FAM227B: variants seen among roughly 807,000 people sequenced by gnomAD.
The protein encoded by FAM227B is protein FAM227B.
Under a neutral mutation model 73.8 loss-of-function variants are expected in FAM227B, and 88 were observed. The ratio of observed to expected loss-of-function variants is 1.19; its 90% CI spans 1.00 to 1.42. FAM227B has a LOEUF of 1.42. Among genes scored for constraint, FAM227B ranks in the 40% most tolerant of loss-of-function variants. The pLI, the probability that FAM227B is intolerant of heterozygous loss-of-function variation, is 0.00. For missense variants in FAM227B, 632 were observed against 590.9 expected (o/e 1.07, Z -0.72); for synonymous variants, 210 against 190.5 (o/e 1.10, Z -0.84).
At chr15:49,573,119 C>A (rs545856960) in intron 8 of FAM227B, among the ~76,000 whole-genome samples, 1 of 152,088 alleles carries the variant, frequency 6.6e-6, no homozygotes, top group African/African-American at 2.4e-5. Flanking sequence ...ATATCTCACA[C>A]ATTTTAATCT....
At chr15:49,575,853 T>C (rs2075406955) in intron 7 of FAM227B, among the ~76,000 whole-genome samples, 1 of 152,194 alleles carries the variant, frequency 6.6e-6, no homozygotes, top group East Asian at 1.9e-4. Flanking sequence ...ATGGCTAAAT[T>C]TGTCTACTGT....
At chr15:49,351,274 G>A (rs1432482549) in intron 13 of FAM227B, among the ~76,000 whole-genome samples, 1 of 152,046 alleles carries the variant, frequency 6.6e-6, no homozygotes, top group African/African-American at 2.4e-5. Context: ...ATGACTACTA[G>A]CTATGGAATT....
intron 11 of FAM227B, among the ~76,000 whole-genome samples, chr15:49,469,313 C>A (rs1441073800): frequency 6.6e-6 from 1 of 152,042 alleles, no homozygotes; most frequent in Non-Finnish European, 1.5e-5. Context: ...ATACAGAAAA[C>A]TGCTGTTTAT....
chr15:49,472,786 G>C (rs2151972351), intron 11 of FAM227B, among the ~76,000 whole-genome samples: 1 of 152,032 alleles, frequency 6.6e-6, no homozygotes, highest in African/African-American at 2.4e-5. Flanking sequence ...ACTTCAAATG[G>C]GTAGAAAAAA....
intron 11 of FAM227B, among the ~76,000 whole-genome samples, chr15:49,490,130 G>A (rs1220910870): frequency 6.6e-6 from 1 of 151,322 alleles, no homozygotes; most frequent in Non-Finnish European, 1.5e-5. Context: ...CTTCATCTTT[G>A]TCCCTTCTTT....
intron 9 of FAM227B, among the ~76,000 whole-genome samples, chr15:49,550,905 C>T (rs954060246): frequency 7.2e-5 from 11 of 152,120 alleles, no homozygotes; most frequent in African/African-American, 2.2e-4. Context: ...GCTGCAATCT[C>T]GGCACTTTGG....
At chr15:49,568,851 C>T (rs531164904) in intron 8 of FAM227B, among the ~76,000 whole-genome samples, 1 of 151,870 alleles carries the variant, frequency 6.6e-6, no homozygotes, top group African/African-American at 2.4e-5. Context: ...CTTTTTATTG[C>T]AGTGTCTTTT....
intron 11 of FAM227B, among the ~76,000 whole-genome samples, chr15:49,384,538 G>A (rs1278133637): frequency 6.6e-6 from 1 of 151,930 alleles, no homozygotes; most frequent in African/African-American, 2.4e-5. Context: ...GGAACACAGC[G>A]ATCCTCTTAG....
intron 11 of FAM227B, among the ~76,000 whole-genome samples, chr15:49,494,132 A>C (rs982331852): frequency 6.6e-6 from 1 of 151,992 alleles, no homozygotes; most frequent in Admixed American, 6.6e-5. Context: ...GAGCACATGT[A>C]TAAGTTACCA....
rs534291143 is a variant in FAM227B at position 49,376,464 on chromosome 15, T to C, written c.1013-5065A>G. On this transcript the variant is annotated intron_variant, in intron 11 of 15. Transcript: ENST00000299338. Reference sequence around the variant, plus strand: ...ATTTATTACTGGACTCTCCAGTCTATTTCATTTACCTATATGTTTACCCTT... The same window carrying C: ...ATTTATTACTGGACTCTCCAGTCTACTTCATTTACCTATATGTTTACCCTT... Among the ~76,000 whole-genome samples the C allele has an allele frequency of 1.3e-4, 20 of 152,170 alleles. 1 individual carries two copies. In the South Asian group the frequency reaches 4.1e-3, roughly 32 times the overall value.
chr15:49,525,872 G>A (rs1309767654), intron 10 of FAM227B, among the ~76,000 whole-genome samples: 17 of 150,772 alleles, frequency 1.1e-4, no homozygotes, highest in Admixed American at 1.1e-3. Context: ...AAATATATAT[G>A]AAGCCAACAA....
intron 11 of FAM227B, among the ~76,000 whole-genome samples, chr15:49,407,040 T>C (rs1469769923): frequency 6.6e-6 from 1 of 152,150 alleles, no homozygotes; most frequent in African/African-American, 2.4e-5. Flanking sequence ...TGGGCAAGAC[T>C]GACCTGCAGA....
intron 3 of FAM227B, among the ~76,000 whole-genome samples, chr15:49,608,259 A>G (rs1040543243): frequency 3.3e-5 from 5 of 152,202 alleles, no homozygotes; most frequent in Non-Finnish European, 7.4e-5. Flanking sequence ...AAACAGGGTC[A>G]GTGAAGCAAG....
chr15:49,448,838 G>GT (rs1388955269), intron 11 of FAM227B, among the ~76,000 whole-genome samples: 3 of 151,790 alleles, frequency 2.0e-5, no homozygotes, highest in Admixed American at 6.6e-5. Context: ...CTCCAAGAAT[G>GT]AACCCTCTAC....
chr15:49,571,849 A>G lies in FAM227B; in HGVS notation c.645+3162T>C, dbSNP rs186648665. Among the ~76,000 whole-genome samples, 637 of 152,062 alleles carry G rather than the reference A, an allele frequency of 4.2e-3. 1 individual carries two copies. The highest frequency in any genetic ancestry group is 7.2e-3 in the Non-Finnish European group (490 of 67,898). On this transcript the variant is annotated intron_variant, in intron 8 of 15. Transcript: ENST00000299338. ...ATTCAGGGATCTTCTGCAGTTCCAT[A>G]TAAATTTTAGGACTGTTTTCTTCTA... is the stretch of plus-strand genomic sequence containing the variant.
At position 49,446,253 on chromosome 15, in the gene FAM227B, T is replaced by A. The variant is rs1287632641; in HGVS notation, c.1012+61958A>T. Among the ~76,000 whole-genome samples the A allele has an allele frequency of 4.6e-5, 7 of 151,614 alleles. No homozygotes were observed. The East Asian group carries it at 1.4e-3, about 29-fold the overall frequency. ...TAGAAAATCTTAACTGAATGTTACA[T>A]GGAATCAAAGGGCAATTAGATCTAG... On this transcript the variant is annotated intron_variant, in intron 11 of 15. Transcript: ENST00000299338.
At chr15:49,391,845 C>T (rs972265826) in intron 11 of FAM227B, among the ~76,000 whole-genome samples, 2 of 152,084 alleles carry the variant, frequency 1.3e-5, no homozygotes, top group African/African-American at 4.8e-5. Context: ...TTTAAGAGCC[C>T]TTGCTTATAG....
chr15:49,551,843 A>G (rs866678748), intron 9 of FAM227B, among the ~76,000 whole-genome samples: 22 of 152,008 alleles, frequency 1.4e-4, no homozygotes, highest in African/African-American at 5.1e-4. Context: ...ACATAATACT[A>G]TTTCCATAAA....
chr15:49,517,818 A>T (rs2059484223), intron 10 of FAM227B, among the ~76,000 whole-genome samples: 1 of 152,190 alleles, frequency 6.6e-6, no homozygotes, highest in South Asian at 2.1e-4. Flanking sequence ...GGTAACTATT[A>T]GTCTCACTAC....
Sources: gnomAD v4.1 joint callset for allele counts (sites outside exome capture counted in the v4.1 genomes callset) on GRCh38, gnomAD v4.1.1 for gene constraint, MANE v1.5 for transcripts, NCBI Gene and HGNC (gene_info 2026-07-23, HGNC 2026-07-21) for gene names.